RCOR1: variants seen among roughly 807,000 people sequenced by gnomAD.
The protein encoded by RCOR1 is REST corepressor.
RCOR1 carries 12 observed loss-of-function variants against 64.0 expected under a neutral mutation model. The ratio of observed to expected loss-of-function variants is 0.19; its 90% confidence interval spans 0.12 to 0.30. The LOEUF is 0.30. RCOR1 is among the 10% of genes least tolerant of loss of function. The pLI, the probability that RCOR1 is intolerant of heterozygous loss-of-function variation, is 1.00. For missense variants in RCOR1, 502 were observed against 621.2 expected (o/e 0.81, Z 2.04); for synonymous variants, 279 against 227.2 (o/e 1.23, Z -2.05).
chr14:102,708,896 T>G (rs1567443079), intron 6 of RCOR1, among the ~76,000 whole-genome samples: 1 of 152,222 alleles, frequency 6.6e-6, no homozygotes, highest in Non-Finnish European at 1.5e-5. Flanking sequence ...GTGGTATATT[T>G]TTACAAGATT....
chr14:102,632,729 TC>T (rs1894149155), intron 2 of RCOR1, among the ~76,000 whole-genome samples: 2 of 25,306 alleles, frequency 7.9e-5, no homozygotes, highest in Non-Finnish European at 1.3e-4. Context: ...TTTCCTTTCT[TC>T]TCCCCTCCCC....
chr14:102,604,346 C>T (rs925966602), intron 2 of RCOR1, among the ~76,000 whole-genome samples: 5 of 152,164 alleles, frequency 3.3e-5, no homozygotes, highest in Non-Finnish European at 5.9e-5. Context: ...AAACTAACAG[C>T]TGTCTTAGGG....
chr14:102,667,829 AGT>A, intron 2 of RCOR1, among the ~76,000 whole-genome samples: 1 of 152,278 alleles, frequency 6.6e-6, no homozygotes, highest in Admixed American at 6.5e-5. Flanking sequence ...TACAAGTGAT[AGT>A]GTTAATTTTT....
chr14:102,693,230 C>T (rs1895573043), intron 3 of RCOR1, among the ~76,000 whole-genome samples: 1 of 152,132 alleles, frequency 6.6e-6, no homozygotes, highest in Non-Finnish European at 1.5e-5. Flanking sequence ...TTTTCTCGGT[C>T]ACTTACGACA....
intron 2 of RCOR1, 53 bp from the exon 3 acceptor site, chr14:102,681,842 C>T: frequency 2.3e-6 from 3 of 1,292,252 alleles, no homozygotes; most frequent in Non-Finnish European, 3.3e-6. Context: ...TTACTTATAG[C>T]TTATTATATG....
At chr14:102,615,400 C>T (rs1463613721) in intron 2 of RCOR1, among the ~76,000 whole-genome samples, 1 of 151,700 alleles carries the variant, frequency 6.6e-6, no homozygotes, top group Admixed American at 6.6e-5. Flanking sequence ...TCGTGGCCTC[C>T]TGCAGTGCTG....
intron 2 of RCOR1, among the ~76,000 whole-genome samples, chr14:102,642,060 A>G (rs1894381296): frequency 6.6e-6 from 1 of 152,170 alleles, no homozygotes; most frequent in Non-Finnish European, 1.5e-5. Flanking sequence ...TTTGGGGACA[A>G]GGGTGGTTAA....
intron 5 of RCOR1, 69 bp from the exon 6 acceptor site, chr14:102,708,396 G>A (rs534330490): frequency 9.4e-5 from 88 of 935,722 alleles, no homozygotes; most frequent in Non-Finnish European, 1.4e-4. Context: ...CGCTGCGCCC[G>A]GCCTTAAACA....
At chr14:102,726,292 C>T (rs930114076) in intron 11 of RCOR1, among the ~76,000 whole-genome samples, 176 bp from the exon 12 acceptor site, 1 of 151,138 alleles carries the variant, frequency 6.6e-6, no homozygotes, top group Non-Finnish European at 1.5e-5. Context: ...CGCCACTGCA[C>T]TCCAGCCTGG....
At chr14:102,675,529 A>G (rs999361004) in intron 2 of RCOR1, among the ~76,000 whole-genome samples, 2 of 152,258 alleles carry the variant, frequency 1.3e-5, no homozygotes, top group African/African-American at 4.8e-5. Flanking sequence ...AGTCCAGCTG[A>G]TAACTAAGAT....
intron 2 of RCOR1, among the ~76,000 whole-genome samples, chr14:102,626,899 A>G (rs1893993237): frequency 6.6e-6 from 1 of 152,248 alleles, no homozygotes; most frequent in African/African-American, 2.4e-5. Context: ...CTTTTTGCCT[A>G]TTCTTTGCTT....
In RCOR1 at chr14:102,593,122, A is replaced by G. The variant is rs764729008; in HGVS notation, c.236A>G (p.Asn79Ser). ...AAAAGTTTGGCGGCGGCGGCGCCCA[A>G]TGGCAACAGCAGCAGCAACTCCTGG... ...QNKSLAAAAP[N>S]GNSSSNSWEE... is the part of the protein sequence containing the mutation. Residue 79 changes from asparagine to serine, a missense_variant, in exon 1 of 12, where the codon AAT becomes AGT. Coordinates refer to ENST00000262241, the MANE Select transcript of RCOR1 (RefSeq NM_015156.4). 104 of 1,514,134 alleles carry G rather than the reference A, an allele frequency of 6.9e-5. No individual in the cohort carries two copies. The highest frequency in any genetic ancestry group is 8.3e-5 in the Non-Finnish European group (94 of 1,135,990). The allele number at this position is 1,514,134 out of a possible 1,614,324, so 93.8% of individuals were successfully genotyped here.
chr14:102,673,996 T>C (rs1029749630), intron 2 of RCOR1, among the ~76,000 whole-genome samples: 1 of 152,254 alleles, frequency 6.6e-6, no homozygotes, highest in African/African-American at 2.4e-5. Flanking sequence ...ATTATGTAGA[T>C]AGGGTTCTTC....
At chr14:102,657,684 A>G (rs1567425141) in intron 2 of RCOR1, 11 of 437,032 alleles carry the variant, frequency 2.5e-5, no homozygotes, top group Non-Finnish European at 3.3e-5. Context: ...GTAAAAATAC[A>G]AAAATTAGCC....
intron 4 of RCOR1, 76 bp from the exon 5 acceptor site, chr14:102,707,275 T>TGG: frequency 7.8e-7 from 1 of 1,276,870 alleles, no homozygotes; most frequent in Non-Finnish European, 1.1e-6. Flanking sequence ...TCGTTTTTAC[T>TGG]TTTCTTTTGC....
intron 2 of RCOR1, among the ~76,000 whole-genome samples, chr14:102,653,333 C>G (rs1032388823): frequency 6.6e-6 from 1 of 152,170 alleles, no homozygotes; most frequent in African/African-American, 2.4e-5. Flanking sequence ...ATCCTCCCAC[C>G]TCAGCCTCCT....
chr14:102,724,057 G>T lies in RCOR1; in HGVS notation c.1419+1641G>T, dbSNP rs1264388192. Reference sequence around the variant, plus strand: ...TTTTTTTAACCTTGTTATTAGCCCAGAAGGTTCTTCCGTAATGATCCACTT... The same window carrying T: ...TTTTTTTAACCTTGTTATTAGCCCATAAGGTTCTTCCGTAATGATCCACTT... On this transcript the variant is annotated intron_variant, in intron 11 of 11. Coordinates refer to ENST00000262241, the MANE Select transcript of RCOR1 (RefSeq NM_015156.4). Among the ~76,000 whole-genome samples, 4 of 151,950 alleles carry T rather than the reference G, an allele frequency of 2.6e-5. No individual in the cohort carries two copies. In the East Asian group the frequency reaches 7.7e-4, roughly 29 times the overall value.
chr14:102,677,974 G>A (rs1171213902), intron 2 of RCOR1, among the ~76,000 whole-genome samples: 4 of 151,782 alleles, frequency 2.6e-5, no homozygotes, highest in African/African-American at 7.2e-5. Context: ...CGAGGCTGGC[G>A]GATCACTCGC....
chr14:102,658,515 T>C (rs745696107), intron 2 of RCOR1: 2 of 984,906 alleles, frequency 2.0e-6, no homozygotes. Flanking sequence ...TTTCTTACTT[T>C]TATGACTTGA....
Sources: allele counts gnomAD v4.1 joint callset (sites outside exome capture counted in the v4.1 genomes callset), GRCh38; gene constraint gnomAD v4.1.1; transcripts MANE v1.5; gene names NCBI Gene and HGNC (gene_info 2026-07-23, HGNC 2026-07-21).